TELO2: variants seen among roughly 807,000 people sequenced by gnomAD.
TELO2 encodes the protein telomere maintenance 2, also known as telomere length regulation protein TEL2 homolog.
A neutral mutation model predicts 91.0 loss-of-function variants in TELO2; 71 were observed. The ratio of observed to expected loss-of-function variants is 0.78; its 90% CI spans 0.64 to 0.95. The LOEUF (loss-of-function observed/expected upper bound fraction) is 0.95. Among genes scored for constraint, TELO2 ranks in the 40% least tolerant of loss-of-function variants. TELO2 has a pLI of 0.00. For synonymous variants in TELO2, 584 were observed against 518.9 expected (o/e 1.13, Z -1.71); for missense variants, 1,183 against 1,141.3 (o/e 1.04, Z -0.53).
rs2039422259 is a variant in TELO2, at chr16:1,494,903, G to A, written c.335+287G>A. ...GGCGGCAGAGGCAGCCCGTCAGCTG[G>A]GGACGTTCCAGGTTTTCCAGGGAAG... On this transcript the variant is annotated intron_variant, in intron 2 of 20. Transcript: ENST00000262319. The surrounding 1 kb of genome is among the most constrained non-coding windows in gnomAD (Gnocchi z 5.6). Among the ~76,000 whole-genome samples the A allele has an allele frequency of 6.6e-6, 1 of 152,214 alleles. No homozygotes were observed. Among genetic ancestry groups the A allele is most frequent in the African/African-American group, 2.4e-5 (1 of 41,438 alleles).
In TELO2 at chr16:1,502,755, G is replaced by A. The variant is rs773080791; in HGVS notation, c.1764G>A (p.Pro588=). 30 of 1,611,724 alleles carry A rather than the reference G, an allele frequency of 1.9e-5. No individual in the cohort carries two copies. In the South Asian group the frequency reaches 2.4e-4, roughly 13 times the overall value. Residue 588 remains proline (P), a synonymous_variant, in exon 14 of 21, where the codon CCG becomes CCA. Coordinates refer to ENST00000262319, the MANE Select transcript of TELO2 (RefSeq NM_016111.4). ...TGGTGGCCGTCACGGTCACAGACCC[G>A]GCCCCGGTGAGTTCCCGCACCCGTG... ...RALVAVTVTD[P]APVADYLTSQ...
chr16:1,504,325 G>A (rs2039806846), intron 15 of TELO2, among the ~76,000 whole-genome samples: 4 of 147,654 alleles, frequency 2.7e-5, no homozygotes, highest in Middle Eastern at 3.6e-3. Context: ...TCCCAGTTAC[G>A]TGGGAGGCTG....
At chr16:1,500,040 C>T (rs1021893161) in intron 6 of TELO2, 56 bp from the exon 7 acceptor site, 38 of 1,565,150 alleles carry the variant, frequency 2.4e-5, no homozygotes, top group Admixed American at 8.9e-5. Context: ...TTGGGAGCCC[C>T]GGGCTGGCCA....
chr16:1,500,526 C>T (rs2039641324), intron 8 of TELO2, 37 bp from the exon 9 acceptor site: 1 of 1,609,964 alleles, frequency 6.2e-7, no homozygotes, highest in East Asian at 2.2e-5. Context: ...GCCTCGGGCG[C>T]CCCGAGGTGC....
intron 20 of TELO2, among the ~76,000 whole-genome samples, chr16:1,509,562 C>T (rs2040050167): frequency 6.6e-6 from 1 of 152,256 alleles, no homozygotes. Context: ...CCCGGGTTCC[C>T]CGGTTGTGCG....
At chr16:1,506,421 G>T in intron 17 of TELO2, 92 bp downstream of exon 17, 3 of 1,607,546 alleles carry the variant, frequency 1.9e-6, no homozygotes, top group Non-Finnish European at 1.7e-6. Context: ...GATCTGAGTG[G>T]GTTTGGGTGT....
intron 5 of TELO2, among the ~76,000 whole-genome samples, chr16:1,498,946 G>A (rs1036123070): frequency 6.6e-6 from 1 of 152,080 alleles, no homozygotes; most frequent in African/African-American, 2.4e-5. Flanking sequence ...TTCGAGGGTG[G>A]ACCCGCCTCC....
intron 15 of TELO2, 108 bp downstream of exon 15, chr16:1,503,110 G>T (rs765919445): frequency 5.3e-5 from 66 of 1,255,034 alleles, no homozygotes; most frequent in Non-Finnish European, 6.5e-5. Flanking sequence ...GCTCGTGCAG[G>T]CCTGTCCACT....
At chr16:1,500,515 G>A (rs781603841) in intron 8 of TELO2, 27 bp downstream of exon 8, 17 of 1,609,438 alleles carry the variant, frequency 1.1e-5, no homozygotes, top group Admixed American at 5.0e-5. Context: ...GGCTCCCCCC[G>A]GCCTCGGGCG....
Position 1,502,331 on chromosome 16 carries a change from A to C in TELO2, c.1580A>C (p.Asp527Ala), listed in dbSNP as rs752465572. 42 of 1,606,510 alleles carry C rather than the reference A, an allele frequency of 2.6e-5. No individual in the cohort carries two copies. Among genetic ancestry groups the C allele is most frequent in the African/African-American group, 4.0e-5 (3 of 74,850 alleles). ...TGTGCAGCCCTGACCACGTCTGAGGACATAGAGCGCTGGGAGGCAGCCCTG... is the reference window on the plus strand; with the variant it reads ...TGTGCAGCCCTGACCACGTCTGAGGCCATAGAGCGCTGGGAGGCAGCCCTG... ...DCVEALTTSE[D>A]IERWEAALRA... The change falls in exon 13 of 21, where the codon GAC (aspartate) becomes GCC (alanine). Residue 527 changes from aspartate to alanine, a missense_variant. Coordinates refer to ENST00000262319, the MANE Select transcript of TELO2 (RefSeq NM_016111.4).
Position 1,500,367 on chromosome 16 carries a change from G to C in TELO2, c.1023G>C (p.Glu341Asp). Residue 341 changes from glutamate to aspartate, a missense_variant, in exon 8 of 21, where the codon GAG becomes GAC. Transcript: ENST00000262319. Reference protein sequence around the residue: ...LLLQVLKELLETWGSSSAIRH... With the variant: ...LLLQVLKELLDTWGSSSAIRH... ...TGCAGGTGCTGAAGGAGCTGTTGGA[G>C]ACGTGGGGCAGCAGCAGTGCCATCC... is the stretch of plus-strand genomic sequence containing the variant. 6.3e-7 allele frequency: 1 copy of C among 1,594,490 alleles called. No individual in the cohort carries two copies. The highest frequency in any genetic ancestry group is 8.5e-7 in the Non-Finnish European group (1 of 1,172,480).
chr16:1,507,710 C>T lies in TELO2; in HGVS notation c.2401C>T (p.Leu801=). Residue 801 remains leucine (L), a synonymous_variant, in exon 20 of 21, where the codon CTG becomes TTG. Transcript: ENST00000262319. ...CGAGCTGCTGGAAGCCCGGTCCTGG[C>T]TGGCGGGTGAGTGTCGGCCTGCGGT... The part of the protein sequence containing the change: ...MDELLEARSW[L]ADVAEKDPDE... 3 of 1,602,280 alleles carry T rather than the reference C, an allele frequency of 1.9e-6. No homozygotes were observed. Among genetic ancestry groups the T allele is most frequent in the South Asian group, 2.2e-5 (2 of 90,502 alleles).
In TELO2 at chr16:1,507,645, T is replaced by C; in HGVS notation, c.2336T>C (p.Leu779Pro). ...TTGTCGGCCGTCTCCTCCGTCCTGC[T>C]CAGCCTGCCTGCTGCGCGCCTGCTG... ...GLLSAVSSVL[L>P]SLPAARLLED... is the part of the protein sequence containing the mutation. The change falls in exon 20 of 21, where the codon CTC (leucine) becomes CCC (proline). Residue 779 changes from leucine (L) to proline (P), a missense_variant. Leu to Pro is a moderately conservative substitution (Grantham distance 98). Coordinates refer to ENST00000262319, the MANE Select transcript of TELO2 (RefSeq NM_016111.4). 6.2e-7 allele frequency: 1 copy of C among 1,600,626 alleles called. No homozygotes were observed. Among genetic ancestry groups the C allele is most frequent in the East Asian group, 2.2e-5 (1 of 44,828 alleles).
chr16:1,502,628 C>G lies in TELO2; in HGVS notation c.1654-17C>G. 1 of 1,608,844 alleles carries G rather than the reference C, an allele frequency of 6.2e-7. No homozygotes were observed. The highest frequency in any genetic ancestry group is 8.5e-7 in the Non-Finnish European group (1 of 1,179,380). ...GCTGGGTCCGACAGGTTTCCCAGCC[C>G]TAACCCCTGCGTGCAGGTGAGCGTG... On this transcript the variant is annotated splice_polypyrimidine_tract_variant and intron_variant, in intron 13 of 20. Transcript: ENST00000262319.
intron 17 of TELO2, 129 bp downstream of exon 17, chr16:1,506,458 T>G (rs562125385): frequency 6.4e-7 from 1 of 1,555,250 alleles, no homozygotes; most frequent in African/African-American, 1.4e-5. Flanking sequence ...TGCTGTGGCT[T>G]TTTGTAAGCC....
At chr16:1,500,193 C>T (rs754582043) in intron 7 of TELO2, 29 bp downstream of exon 7, 17 of 1,583,538 alleles carry the variant, frequency 1.1e-5, no homozygotes, top group East Asian at 4.6e-5. Flanking sequence ...TCCGTCCCTG[C>T]GAGGCCCTGG....
Position 1,497,307 on chromosome 16 carries a change from A to C in TELO2, c.683-54A>C, listed in dbSNP as rs1399656238. ...GTCCTTGCTGGACCCACACAGCCCC[A>C]GACACCAGGTGGGTGCAGCTCCCCA... On this transcript the variant is annotated intron_variant, in intron 4 of 20. Transcript: ENST00000262319. The surrounding 1 kb of genome is among the most constrained non-coding windows in gnomAD (Gnocchi z 4.0). 9 of 1,505,414 alleles carry C rather than the reference A, an allele frequency of 6.0e-6. No homozygotes were observed. The Admixed American group carries it at 6.2e-5, about 10-fold the overall frequency. The allele number at this position is 1,505,414 out of a possible 1,614,324, so 93.3% of individuals were successfully genotyped here.
intron 17 of TELO2, 194 bp from the exon 18 acceptor site, chr16:1,506,758 G>A: frequency 7.1e-7 from 1 of 1,405,452 alleles, no homozygotes; most frequent in Non-Finnish European, 9.3e-7. Flanking sequence ...GGCCCAGGTG[G>A]ACTTGTGCCA....
rs201880805 is a variant in TELO2 at position 1,501,704 on chromosome 16, C to G, written c.1403C>G (p.Thr468Ser). The G allele has an allele frequency of 3.1e-5, 50 of 1,612,962 alleles. No homozygotes were observed. In the African/African-American group the frequency reaches 5.2e-4, roughly 17 times the overall value. Residue 468 changes from threonine (T) to serine (S), a missense_variant, in exon 11 of 21, where the codon ACC becomes AGC. Transcript: ENST00000262319. ...GCCACGGCAGAGCCCCCTGCAGAGA[C>G]CCCCGCAGAGATCGTGGATGGCGGC... ...VPATAEPPAE[T>S]PAEIVDGGVP...
Sources: gnomAD v4.1 joint callset for allele counts (sites outside exome capture counted in the v4.1 genomes callset) on GRCh38, gnomAD v4.1.1 for gene constraint, Gnocchi (gnomAD v3.1) non-coding constraint, MANE v1.5 for transcripts, NCBI Gene and HGNC (gene_info 2026-07-23, HGNC 2026-07-21) for gene names.